STAG1: variants seen among roughly 807,000 people sequenced by gnomAD.
The protein encoded by STAG1 is cohesin subunit SA-1.
Under a neutral mutation model 170.9 loss-of-function variants are expected in STAG1, and 26 were observed. That is an observed-to-expected ratio of 0.15 (90% confidence interval 0.11 to 0.21). The LOEUF is 0.21. Ranked by LOEUF, STAG1 falls within the 10% of genes least tolerant of loss-of-function variation. The probability of loss-of-function intolerance (pLI) is 1.00; values close to 1 mark genes in which losing one functional copy is unlikely to be tolerated. For synonymous variants in STAG1, 514 were observed against 497.7 expected (o/e 1.03, Z -0.44); for missense variants, 964 against 1,509.5 (o/e 0.64, Z 5.99).
chr3:136,579,239 A>C (rs1937541604), intron 4 of STAG1, among the ~76,000 whole-genome samples: 1 of 152,238 alleles, frequency 6.6e-6, no homozygotes. Context: ...ACTCAAAGCA[A>C]GTTGTTACCT....
intron 4 of STAG1, among the ~76,000 whole-genome samples, chr3:136,583,882 T>C (rs1261540114): frequency 6.6e-6 from 1 of 152,206 alleles, no homozygotes; most frequent in Admixed American, 6.5e-5. Context: ...GGAAGATGTT[T>C]AGTGACTTGC....
In STAG1 at chr3:136,467,910, A is replaced by C. The variant is rs139381186; in HGVS notation, c.1206-2922T>G. Among the ~76,000 whole-genome samples the C allele has an allele frequency of 2.1e-3, 325 of 152,302 alleles. 1 individual carries two copies. The highest frequency in any genetic ancestry group is 0.02 in the South Asian group (97 of 4,824). On this transcript the variant is annotated intron_variant, in intron 12 of 33. Coordinates refer to ENST00000383202, the MANE Select transcript of STAG1 (RefSeq NM_005862.3). ...TAAACAACCTGCTCCTGAATGACTA[A>C]TGGGTACATAACGAAATGAAGGCAG...
intron 1 of STAG1, among the ~76,000 whole-genome samples, chr3:136,708,873 C>A (rs980539611): frequency 3.3e-5 from 5 of 151,212 alleles, no homozygotes; most frequent in African/African-American, 9.7e-5. Context: ...GGCACAATCA[C>A]AGCTCACTGC....
chr3:136,509,636 C>T (rs537870124), intron 7 of STAG1, among the ~76,000 whole-genome samples: 1 of 152,134 alleles, frequency 6.6e-6, no homozygotes, highest in East Asian at 1.9e-4. Flanking sequence ...ACATTAAAAA[C>T]ATAGTGTCAA....
chr3:136,730,132 A>C (rs1933932381), intron 1 of STAG1, among the ~76,000 whole-genome samples: 1 of 151,684 alleles, frequency 6.6e-6, no homozygotes, highest in Admixed American at 6.6e-5. Context: ...GGGCTCAGGC[A>C]ATCCTCCCAC....
At chr3:136,708,454 T>TG (rs1006053264) in intron 1 of STAG1, among the ~76,000 whole-genome samples, 13 of 151,786 alleles carry the variant, frequency 8.6e-5, no homozygotes, top group East Asian at 1.9e-4. Flanking sequence ...GCCAGGAGAC[T>TG]GGGGGGGAGG....
chr3:136,738,424 C>T (rs1252904131), intron 1 of STAG1, among the ~76,000 whole-genome samples: 1 of 152,132 alleles, frequency 6.6e-6, no homozygotes, highest in Non-Finnish European at 1.5e-5. Flanking sequence ...CCCGGAGGCA[C>T]AGGCTACAGT....
At chr3:136,465,558 C>CAA (rs11364802) in intron 12 of STAG1, among the ~76,000 whole-genome samples, 718 of 48,240 alleles carry the variant, frequency 0.015, 62 homozygotes, top group African/African-American at 0.053. Flanking sequence ...ACTCTTGCCT[C>CAA]AAAAAAAAAA....
At chr3:136,737,884 A>G (rs1934434382) in intron 1 of STAG1, among the ~76,000 whole-genome samples, 2 of 151,990 alleles carry the variant, frequency 1.3e-5, no homozygotes, top group Non-Finnish European at 2.9e-5. Flanking sequence ...CCTGACTAAC[A>G]TGGTGAAACC....
intron 1 of STAG1, among the ~76,000 whole-genome samples, chr3:136,731,690 A>G (rs1045042957): frequency 9.2e-5 from 14 of 152,252 alleles, no homozygotes; most frequent in African/African-American, 3.4e-4. Flanking sequence ...TAACCACACT[A>G]TATGGCTCAT....
chr3:136,467,274 C>G (rs958645743), intron 12 of STAG1, among the ~76,000 whole-genome samples: 1 of 152,052 alleles, frequency 6.6e-6, no homozygotes, highest in African/African-American at 2.4e-5. Flanking sequence ...ATCTCACATG[C>G]AGAGACACAC....
At position 136,357,819 on chromosome 3, in the gene STAG1, T is replaced by C; in HGVS notation, c.2966A>G (p.Gln989Arg). 6.2e-7 allele frequency: 1 copy of C among 1,600,454 alleles called. No homozygotes were observed. The highest frequency in any genetic ancestry group is 1.1e-5 in the South Asian group (1 of 87,260). ...KDGIEFAFKY[Q>R]NQKGQEYPPP... ...TGGATACTCTTGTCCTTTCTGATTTTGGTATTTAAATGCAAACTCTATGCC... is the reference window on the plus strand; with the variant it reads ...TGGATACTCTTGTCCTTTCTGATTTCGGTATTTAAATGCAAACTCTATGCC... Residue 989 changes from glutamine (Q) to arginine (R), a missense_variant, in exon 28 of 34, where the codon CAA becomes CGA. Transcript: ENST00000383202.
intron 10 of STAG1, among the ~76,000 whole-genome samples, chr3:136,475,138 CTTTTT>C (rs10686674): frequency 7.4e-4 from 56 of 76,034 alleles, no homozygotes; most frequent in African/African-American, 2.9e-3. Context: ...TTATAGGTTC[CTTTTT>C]TTTTTTTTTT....
intron 1 of STAG1, among the ~76,000 whole-genome samples, chr3:136,727,991 C>T (rs1455192259): frequency 6.6e-6 from 1 of 151,994 alleles, no homozygotes; most frequent in Non-Finnish European, 1.5e-5. Flanking sequence ...AACCCCATCT[C>T]TACTAAAAAT....
chr3:136,371,143 T>C (rs898593917), intron 23 of STAG1, among the ~76,000 whole-genome samples: 1 of 152,234 alleles, frequency 6.6e-6, no homozygotes, highest in African/African-American at 2.4e-5. Flanking sequence ...GTTTTTTGGC[T>C]GCATAAATGT....
intron 3 of STAG1, 68 bp downstream of exon 3, chr3:136,623,077 TA>T: frequency 7.4e-7 from 1 of 1,343,234 alleles, no homozygotes; most frequent in Non-Finnish European, 1.0e-6. Flanking sequence ...GCACTAGAAT[TA>T]ACAACTCATA....
chr3:136,399,888 T>A (rs1463590155), intron 21 of STAG1, among the ~76,000 whole-genome samples: 1 of 152,190 alleles, frequency 6.6e-6, no homozygotes, highest in Non-Finnish European at 1.5e-5. Context: ...AAAAATTTAT[T>A]ACATAACAAA....
intron 21 of STAG1, among the ~76,000 whole-genome samples, chr3:136,405,390 T>G (rs1383907468): frequency 1.3e-5 from 2 of 151,832 alleles, no homozygotes; most frequent in African/African-American, 4.8e-5. Flanking sequence ...TACAGATGTG[T>G]GCTACCATGC....
intron 4 of STAG1, among the ~76,000 whole-genome samples, chr3:136,592,057 A>G (rs1240964087): frequency 6.6e-6 from 1 of 152,236 alleles, no homozygotes; most frequent in African/African-American, 2.4e-5. Context: ...ATGGAAGGAA[A>G]GGGAGGAAGG....
Sources: gnomAD v4.1 joint callset for allele counts (sites outside exome capture counted in the v4.1 genomes callset) on GRCh38, gnomAD v4.1.1 for gene constraint, MANE v1.5 for transcripts, NCBI Gene and HGNC (gene_info 2026-07-23, HGNC 2026-07-21) for gene names.